The following ANXA4 variants were observed in gnomAD, a reference collection of about 807,000 sequenced individuals.
The protein encoded by ANXA4 is 35-beta calcimedin.
ANXA4 carries 39 observed loss-of-function variants against 49.8 expected under a neutral mutation model. That is an observed-to-expected ratio of 0.78 (90% CI 0.61 to 1.02). ANXA4 has a LOEUF of 1.02. ANXA4 is among the 50% of genes least tolerant of loss of function. The pLI is 0.00. For missense variants in ANXA4, 360 were observed against 410.1 expected, an observed-to-expected ratio of 0.88 and a Z score of 1.05; for synonymous variants, 134 against 152.5, an observed-to-expected ratio of 0.88 and a Z score of 0.89.
At chr2:69,687,235 G>A (rs1677821484) in intron 2 of ANXA4, among the ~76,000 whole-genome samples, 1 of 152,230 alleles carries the variant, frequency 6.6e-6, no homozygotes, top group Non-Finnish European at 1.5e-5. Context: ...TAGGCATGGT[G>A]GCTCATGCCT....
At chr2:69,772,772 A>G (rs1207361428) in intron 1 of ANXA4, among the ~76,000 whole-genome samples, 1 of 152,160 alleles carries the variant, frequency 6.6e-6, no homozygotes, top group Non-Finnish European at 1.5e-5. Flanking sequence ...TAATCCCAGC[A>G]CTTTGGGAGG....
At chr2:69,807,362 C>T (rs1387662342) in intron 5 of ANXA4, among the ~76,000 whole-genome samples, 2 of 152,182 alleles carry the variant, frequency 1.3e-5, no homozygotes, top group Admixed American at 6.5e-5. Context: ...GACGTACCCA[C>T]TGTGCCCTAG....
chr2:69,693,347 G>A (rs146657017), intron 2 of ANXA4, among the ~76,000 whole-genome samples: 99 of 152,234 alleles, frequency 6.5e-4, no homozygotes, highest in African/African-American at 2.0e-3. Context: ...CGGAGAAGGA[G>A]CAGCTAACCA....
chr2:69,688,421 C>T (rs779988853), intron 2 of ANXA4, among the ~76,000 whole-genome samples: 4 of 152,142 alleles, frequency 2.6e-5, no homozygotes, highest in African/African-American at 9.7e-5. Flanking sequence ...GAAATTGTGA[C>T]GTCAGCAGCC....
Position 69,672,112 on chromosome 2 carries a change from A to G in ANXA4, n.766+18830A>G, listed in dbSNP as rs367947487. Among the ~76,000 whole-genome samples, 30 of 152,360 alleles carry G rather than the reference A, an allele frequency of 2.0e-4. No individual in the cohort carries two copies. In the East Asian group the frequency reaches 3.1e-3, roughly 16 times the overall value. On this transcript the variant is annotated intron_variant and non_coding_transcript_variant, in intron 2 of 3. Coordinates refer to the ANXA4 transcript ENST00000418066. ...CAAATATAATTGGAAGCAACCCATTATTTATAGATTGGAGATAAATTGTGG... is the reference window on the plus strand; with the variant it reads ...CAAATATAATTGGAAGCAACCCATTGTTTATAGATTGGAGATAAATTGTGG...
At chr2:69,675,424 T>C (rs1438079219) in intron 2 of ANXA4, among the ~76,000 whole-genome samples, 3 of 152,260 alleles carry the variant, frequency 2.0e-5, no homozygotes, top group Admixed American at 6.5e-5. Flanking sequence ...TAAATATAGA[T>C]TAAAATTTTA....
chr2:69,772,954 T>C (rs1389874113), intron 1 of ANXA4, among the ~76,000 whole-genome samples: 3 of 151,656 alleles, frequency 2.0e-5, no homozygotes, highest in Non-Finnish European at 4.4e-5. Flanking sequence ...GAGGCGGAGG[T>C]TGCAGTGAGC....
chr2:69,765,074 A>G (rs202222317), intron 1 of ANXA4, among the ~76,000 whole-genome samples: 3 of 142,806 alleles, frequency 2.1e-5, no homozygotes, highest in African/African-American at 7.5e-5. Context: ...ATATATGTGT[A>G]TACACACACA....
intron 1 of ANXA4, among the ~76,000 whole-genome samples, chr2:69,778,708 G>A (rs1265911041): frequency 6.7e-6 from 1 of 149,590 alleles, no homozygotes; most frequent in Non-Finnish European, 1.5e-5. Flanking sequence ...CCGGGAGGCG[G>A]AGGTTGCAGT....
In ANXA4 at chr2:69,794,831, A is replaced by G. The variant is rs72906923; in HGVS notation, c.97+6690A>G. Among the ~76,000 whole-genome samples, 1,339 of 152,206 alleles carry G rather than the reference A, an allele frequency of 8.8e-3. 28 individuals are homozygous for G. Among genetic ancestry groups the G allele is most frequent in the African/African-American group, 0.031 (1,271 of 41,528 alleles). On this transcript the variant is annotated intron_variant, in intron 3 of 12. Coordinates refer to ENST00000394295, the MANE Select transcript of ANXA4 (RefSeq NM_001153.5). ...TTTGAGCCTTAGGTTCCCAAAAGAG[A>G]GAGGGGTGAGTTTTAACTGTTTGAG... is the stretch of plus-strand genomic sequence containing the variant.
intron 2 of ANXA4, among the ~76,000 whole-genome samples, chr2:69,716,010 AT>A (rs1216865778): frequency 6.6e-6 from 1 of 152,184 alleles, no homozygotes; most frequent in African/African-American, 2.4e-5. Context: ...CTTTCCCATA[AT>A]TTTAATAACC....
chr2:69,684,260 G>A (rs1677703394), intron 2 of ANXA4, among the ~76,000 whole-genome samples: 1 of 152,152 alleles, frequency 6.6e-6, no homozygotes, highest in Non-Finnish European at 1.5e-5. Flanking sequence ...ACTCATGAAA[G>A]GAATCTCTTA....
chr2:69,816,487 TA>T, intron 9 of ANXA4: 1 of 285,056 alleles, frequency 3.5e-6, no homozygotes. Context: ...GTAGCCCCAG[TA>T]TTTTCATTCT....
chr2:69,747,673 C>A (rs762958794), intron 1 of ANXA4, among the ~76,000 whole-genome samples: 19 of 152,258 alleles, frequency 1.2e-4, no homozygotes, highest in Admixed American at 9.2e-4. Flanking sequence ...GCAGTCAAAA[C>A]TACACAAAAT....
At chr2:69,725,663 G>C (rs1669945283) in intron 3 of ANXA4, among the ~76,000 whole-genome samples, 1 of 152,096 alleles carries the variant, frequency 6.6e-6, no homozygotes, top group African/African-American at 2.4e-5. Flanking sequence ...GAGGCTCAAG[G>C]CTCAGAGAAG....
At chr2:69,669,081 T>C (rs918292820) in intron 2 of ANXA4, among the ~76,000 whole-genome samples, 6 of 151,526 alleles carry the variant, frequency 4.0e-5, no homozygotes, top group Admixed American at 6.6e-5. Context: ...GGATTACAGG[T>C]GTGTGCCACC....
chr2:69,716,341 CA>C (rs1293905251), intron 2 of ANXA4, among the ~76,000 whole-genome samples: 1 of 151,602 alleles, frequency 6.6e-6, no homozygotes, highest in Non-Finnish European at 1.5e-5. Flanking sequence ...CAATACTGGT[CA>C]AAAAAAGTCT....
chr2:69,770,812 AG>A (rs1245434949), intron 1 of ANXA4, among the ~76,000 whole-genome samples: 1 of 152,094 alleles, frequency 6.6e-6, no homozygotes, highest in Non-Finnish European at 1.5e-5. Flanking sequence ...ATACAGTGCC[AG>A]GCATGGTGGT....
At chr2:69,722,395 C>G (rs1003430375) in intron 3 of ANXA4, among the ~76,000 whole-genome samples, 1 of 152,110 alleles carries the variant, frequency 6.6e-6, no homozygotes, top group Non-Finnish European at 1.5e-5. Flanking sequence ...ATGAATGGAT[C>G]AGAATATGGT....
Sources: gnomAD v4.1 joint callset for allele counts (sites outside exome capture counted in the v4.1 genomes callset) on GRCh38, gnomAD v4.1.1 for gene constraint, MANE v1.5 for transcripts, NCBI Gene and HGNC (gene_info 2026-07-23, HGNC 2026-07-21) for gene names.